Variants in ANKS1B observed in about 807,000 individuals in gnomAD.
ANKS1B encodes ankyrin repeat and sterile alpha motif domain-containing protein 1B.
In ANKS1B, 36 loss-of-function variants were observed where a neutral mutation model predicts 148.3. The ratio of observed to expected loss-of-function variants is 0.24; its 90% CI spans 0.19 to 0.32. The LOEUF (loss-of-function observed/expected upper bound fraction) is 0.32, where lower values mean the gene tolerates loss of function less well. ANKS1B is among the 10% of genes least tolerant of loss of function. The pLI is 1.00. For missense variants in ANKS1B, 1,157 were observed against 1,542.6 expected, an observed-to-expected ratio of 0.75 and a Z score of 4.19; for synonymous variants, 542 against 560.8, an observed-to-expected ratio of 0.97 and a Z score of 0.47.
intron 3 of ANKS1B, 56 bp downstream of exon 3, chr12:99,812,099 C>T (rs2068447470): frequency 1.9e-6 from 3 of 1,566,498 alleles, no homozygotes; most frequent in Non-Finnish European, 2.6e-6. Context: ...TTCAATATGG[C>T]TTTGCCTTGT....
intron 1 of ANKS1B, among the ~76,000 whole-genome samples, chr12:99,826,823 G>C (rs895028053): frequency 6.6e-6 from 1 of 152,034 alleles, no homozygotes; most frequent in Non-Finnish European, 1.5e-5. Flanking sequence ...GAAAATCAAA[G>C]TTGTATGCCA....
chr12:99,375,415 G>C (rs147744416), intron 12 of ANKS1B, among the ~76,000 whole-genome samples: 1 of 152,112 alleles, frequency 6.6e-6, no homozygotes, highest in Admixed American at 6.5e-5. Context: ...CCTTTCTTAC[G>C]TTGATTTGGG....
intron 11 of ANKS1B, among the ~76,000 whole-genome samples, chr12:99,407,075 A>G (rs1028306794): frequency 6.8e-6 from 1 of 146,116 alleles, no homozygotes; most frequent in African/African-American, 2.6e-5. Flanking sequence ...GACACATCAA[A>G]AACAGAAAAC....
intron 1 of ANKS1B, among the ~76,000 whole-genome samples, chr12:99,827,382 G>A (rs1370530083): frequency 6.6e-6 from 1 of 151,974 alleles, no homozygotes; most frequent in African/African-American, 2.4e-5. Context: ...AGATTGGTAG[G>A]GGGAGTAGAA....
intron 9 of ANKS1B, among the ~76,000 whole-genome samples, chr12:99,654,132 A>G (rs1394697057): frequency 6.6e-6 from 1 of 152,156 alleles, no homozygotes; most frequent in Admixed American, 6.5e-5. Context: ...TAAGTACTAT[A>G]TACTGATTTG....
intron 4 of ANKS1B, among the ~76,000 whole-genome samples, chr12:99,784,258 G>A (rs2064741499): frequency 2.1e-5 from 3 of 144,540 alleles, no homozygotes; most frequent in Admixed American, 1.5e-4. Flanking sequence ...TGCAAGCTCC[G>A]CCTCCAGGGT....
intron 1 of ANKS1B, among the ~76,000 whole-genome samples, chr12:99,903,634 A>G (rs2093675697): frequency 1.3e-5 from 2 of 152,154 alleles, no homozygotes; most frequent in African/African-American, 4.8e-5. Flanking sequence ...TTAATAATAC[A>G]TTGTATTTAA....
chr12:98,813,327 T>A (rs1017073186), intron 19 of ANKS1B, among the ~76,000 whole-genome samples: 2 of 149,988 alleles, frequency 1.3e-5, no homozygotes, highest in Non-Finnish European at 3.0e-5. Flanking sequence ...TTCTCTCACC[T>A]CAGCCTCCCA....
At chr12:99,849,245 C>T (rs1178419807) in intron 1 of ANKS1B, among the ~76,000 whole-genome samples, 1 of 151,422 alleles carries the variant, frequency 6.6e-6, no homozygotes, top group Non-Finnish European at 1.5e-5. Context: ...TATTCAAATA[C>T]CAAATATATA....
intron 17 of ANKS1B, among the ~76,000 whole-genome samples, chr12:98,898,582 T>C (rs547325): frequency 0.15 from 22,522 of 152,144 alleles, 2,053 homozygotes; most frequent in Non-Finnish European, 0.21. Flanking sequence ...GAATCACTTA[T>C]CATGATTCTG....
At chr12:99,666,174 A>G (rs183486135) in intron 8 of ANKS1B, among the ~76,000 whole-genome samples, 1 of 152,188 alleles carries the variant, frequency 6.6e-6, no homozygotes, top group African/African-American at 2.4e-5. Context: ...TTGACCTGTA[A>G]ATCTCTTCTT....
rs1365141709 is a variant in ANKS1B, at chr12:99,271,777, G to A, written c.1757-24913C>T. Among the ~76,000 whole-genome samples the A allele has an allele frequency of 4.0e-5, 6 of 150,492 alleles. No individual in the cohort carries two copies. In the East Asian group the frequency reaches 1.2e-3, roughly 29 times the overall value. ...AAGGTCTTAGCAACATGGCATAGTA[G>A]GACCTGTTGGTGGGGAAGAAGGATG... On this transcript the variant is annotated intron_variant, in intron 12 of 26. Coordinates refer to ENST00000683438, the MANE Select transcript of ANKS1B (RefSeq NM_001352186.2).
chr12:99,644,076 C>T (rs2098335784), intron 9 of ANKS1B, among the ~76,000 whole-genome samples: 1 of 152,124 alleles, frequency 6.6e-6, no homozygotes, highest in Admixed American at 6.5e-5. Context: ...TCAGTATAGG[C>T]AACAAGAGGA....
chr12:99,894,665 T>G (rs2093316867), intron 1 of ANKS1B, among the ~76,000 whole-genome samples: 1 of 150,918 alleles, frequency 6.6e-6, no homozygotes, highest in South Asian at 2.1e-4. Context: ...ATTCAATAAA[T>G]TACATAAGAT....
At chr12:99,858,706 A>T (rs1399552158) in intron 1 of ANKS1B, among the ~76,000 whole-genome samples, 1 of 152,188 alleles carries the variant, frequency 6.6e-6, no homozygotes, top group Admixed American at 6.5e-5. Flanking sequence ...ATAAAAGGGA[A>T]CAAAATAATG....
At chr12:99,106,468 T>C (rs1291590334) in intron 15 of ANKS1B, among the ~76,000 whole-genome samples, 17 of 152,250 alleles carry the variant, frequency 1.1e-4, no homozygotes, top group Non-Finnish European at 5.9e-5. Flanking sequence ...TCTTGAAAGA[T>C]AATGTTTTAA....
At chr12:99,655,247 C>T in intron 8 of ANKS1B, 37 bp from the exon 9 acceptor site, 1 of 1,477,770 alleles carries the variant, frequency 6.8e-7, no homozygotes, top group East Asian at 2.5e-5. Context: ...TATATTATAT[C>T]AATGATATTT....
At chr12:99,558,521 G>A (rs1169713615) in intron 9 of ANKS1B, among the ~76,000 whole-genome samples, 3 of 152,192 alleles carry the variant, frequency 2.0e-5, no homozygotes, top group East Asian at 1.9e-4. Context: ...TGGGGAGGCT[G>A]TAGTGGGTGA....
At chr12:99,473,429 A>T (rs1182812212) in intron 10 of ANKS1B, among the ~76,000 whole-genome samples, 1 of 152,064 alleles carries the variant, frequency 6.6e-6, no homozygotes, top group Non-Finnish European at 1.5e-5. Flanking sequence ...TGAGAGACTT[A>T]AAGTTTTCTT....
Sources: gnomAD v4.1 joint callset for allele counts (sites outside exome capture counted in the v4.1 genomes callset) on GRCh38, gnomAD v4.1.1 for gene constraint, MANE v1.5 for transcripts, NCBI Gene and HGNC (gene_info 2026-07-23, HGNC 2026-07-21) for gene names.